SIPA1L3: variants seen among roughly 807,000 people sequenced by gnomAD.
The protein encoded by SIPA1L3 is signal induced proliferation associated 1 like 3, also known as signal-induced proliferation-associated 1-like protein 3.
In SIPA1L3, 59 loss-of-function variants were observed where a neutral mutation model predicts 150.1. The ratio of observed to expected loss-of-function variants is 0.39; its 90% CI spans 0.32 to 0.49. The LOEUF (loss-of-function observed/expected upper bound fraction) is 0.49. Ranked by LOEUF, SIPA1L3 falls within the 20% of genes least tolerant of loss-of-function variation. SIPA1L3 has a pLI of 0.86. For synonymous variants in SIPA1L3, 1,070 were observed against 1,077.6 expected, an observed-to-expected ratio of 0.99 and a Z score of 0.14; for missense variants, 2,211 against 2,489.5, an observed-to-expected ratio of 0.89 and a Z score of 2.38.
chr19:37,988,131 C>T (rs961697836), intron 1 of SIPA1L3, among the ~76,000 whole-genome samples: 1 of 152,220 alleles, frequency 6.6e-6, no homozygotes, highest in Non-Finnish European at 1.5e-5. Context: ...CTGTCCTCTG[C>T]ACTCAGCCAG....
intron 2 of SIPA1L3, among the ~76,000 whole-genome samples, chr19:38,036,833 C>T (rs982526480): frequency 1.3e-5 from 2 of 152,244 alleles, no homozygotes; most frequent in East Asian, 3.9e-4. Context: ...CTCGCCCCAT[C>T]CCGGCCTGCC....
chr19:38,159,728 A>T (rs926282691), intron 13 of SIPA1L3, among the ~76,000 whole-genome samples: 2 of 152,240 alleles, frequency 1.3e-5, no homozygotes, highest in Admixed American at 6.5e-5. Context: ...CTTGTTCCAC[A>T]TCTATCGGAG....
intron 1 of SIPA1L3, among the ~76,000 whole-genome samples, chr19:38,008,594 C>T (rs1224627519): frequency 2.6e-5 from 4 of 151,728 alleles, no homozygotes; most frequent in East Asian, 1.9e-4. Flanking sequence ...TTTTTTTTCC[C>T]CTTAGAGACA....
In SIPA1L3 at chr19:38,119,384, C is replaced by G; in HGVS notation, c.2370C>G (p.Asp790Glu). 1 of 1,614,200 alleles carries G rather than the reference C, an allele frequency of 6.2e-7. No individual in the cohort carries two copies. Among genetic ancestry groups the G allele is most frequent in the African/African-American group, 1.3e-5 (1 of 75,044 alleles). The change falls in exon 9 of 22, where the codon GAC becomes GAG. Residue 790 changes from aspartate (D) to glutamate (E), a missense_variant. Around this residue, in one of 5 missense-constraint regions of SIPA1L3, gnomAD observed 625 missense variants for 804.2 expected, o/e 0.78. Coordinates refer to ENST00000222345, the MANE Select transcript of SIPA1L3 (RefSeq NM_015073.3). ...IPSGTTFRKS[D>E]VFRDFLLAKV... ...GTGGAACCACATTCCGCAAATCCGA[C>G]GTCTTCAGAGACTTCTTGCTGGCCA...
At chr19:38,038,606 A>AG (rs1395087047) in intron 2 of SIPA1L3, among the ~76,000 whole-genome samples, 1 of 151,438 alleles carries the variant, frequency 6.6e-6, no homozygotes, top group African/African-American at 2.4e-5. Context: ...AAAAAAAAAA[A>AG]GTCATGTGCA....
At chr19:38,057,210 G>T (rs1969336610) in intron 2 of SIPA1L3, among the ~76,000 whole-genome samples, 1 of 151,796 alleles carries the variant, frequency 6.6e-6, no homozygotes, top group Non-Finnish European at 1.5e-5. Flanking sequence ...AGCGGACGTT[G>T]CAGTGAGCTG....
chr19:37,934,330 G>A (rs914171321), intron 1 of SIPA1L3, among the ~76,000 whole-genome samples: 4 of 152,152 alleles, frequency 2.6e-5, no homozygotes, highest in African/African-American at 9.7e-5. Context: ...GTGCAGAGCA[G>A]GAGGGAAGCT....
intron 1 of SIPA1L3, among the ~76,000 whole-genome samples, chr19:38,012,155 CG>C (rs1200062337): frequency 6.6e-6 from 1 of 150,928 alleles, no homozygotes; most frequent in Non-Finnish European, 1.5e-5. Context: ...GATGTGATCT[CG>C]GCTTGCTGCA....
intron 2 of SIPA1L3, among the ~76,000 whole-genome samples, chr19:38,039,399 TGGTGGG>T (rs1477388827): frequency 1.3e-4 from 1 of 7,748 alleles, no homozygotes; most frequent in Non-Finnish European, 2.7e-4. Context: ...GGGGTGGGGG[TGGTGGG>T]GGTGGGGGTC....
intron 12 of SIPA1L3, 97 bp from the exon 13 acceptor site, chr19:38,152,743 T>C: frequency 7.1e-7 from 1 of 1,417,870 alleles, no homozygotes; most frequent in Non-Finnish European, 9.6e-7. Flanking sequence ...CCCGTGTGTC[T>C]AAAACCCACT....
chr19:37,992,935 G>A (rs974229843), intron 1 of SIPA1L3, among the ~76,000 whole-genome samples: 5 of 152,160 alleles, frequency 3.3e-5, no homozygotes, highest in South Asian at 2.1e-4. Context: ...GTGTGAGTGC[G>A]GGAAGTCAGC....
At chr19:38,095,004 G>A (rs1355942913) in intron 4 of SIPA1L3, among the ~76,000 whole-genome samples, 1 of 152,194 alleles carries the variant, frequency 6.6e-6, no homozygotes, top group Non-Finnish European at 1.5e-5. Context: ...GAACCCAGGA[G>A]GCAGAGGTTG....
chr19:37,923,062 G>A (rs191386538), intron 1 of SIPA1L3, among the ~76,000 whole-genome samples: 72 of 151,902 alleles, frequency 4.7e-4, no homozygotes, highest in African/African-American at 1.5e-3. Flanking sequence ...GCGTGAACCC[G>A]GGAGGTGGAG....
chr19:38,184,331 A>G (rs1446599513), intron 16 of SIPA1L3: 2 of 152,244 alleles, frequency 1.3e-5, no homozygotes, highest in African/African-American at 2.4e-5. Flanking sequence ...GGCATGCGCC[A>G]CCAAGCCCGG....
At chr19:38,145,343 C>T (rs1243162357) in intron 12 of SIPA1L3, among the ~76,000 whole-genome samples, 1 of 151,806 alleles carries the variant, frequency 6.6e-6, no homozygotes, top group Non-Finnish European at 1.5e-5. Flanking sequence ...ACCAGCCTGG[C>T]CAACATGATG....
At chr19:38,011,684 G>A (rs1259152500) in intron 1 of SIPA1L3, among the ~76,000 whole-genome samples, 2 of 152,162 alleles carry the variant, frequency 1.3e-5, no homozygotes, top group African/African-American at 4.8e-5. Context: ...TGGGTGATGG[G>A]GGAAGATGAT....
intron 18 of SIPA1L3, among the ~76,000 whole-genome samples, chr19:38,196,314 G>A (rs1281024790): frequency 6.6e-6 from 1 of 152,246 alleles, no homozygotes; most frequent in Non-Finnish European, 1.5e-5. Flanking sequence ...GAGGCCAGGG[G>A]AAGAGCAAGG....
intron 13 of SIPA1L3, among the ~76,000 whole-genome samples, chr19:38,160,711 C>T (rs1972064126): frequency 6.6e-6 from 1 of 152,006 alleles, no homozygotes. Context: ...CTGACATCCA[C>T]AGCAGCCACT....
chr19:38,099,764 A>G lies in SIPA1L3; in HGVS notation c.1666-198A>G, dbSNP rs117946475. On this transcript the variant is annotated intron_variant, in intron 4 of 21. Coordinates refer to ENST00000222345, the MANE Select transcript of SIPA1L3 (RefSeq NM_015073.3). ...AAAGAGCAAGCTGAGGCTCAGAGAT[A>G]TGAAGTCACTTGGTCAAGACCGCAC... 2.2e-3 allele frequency among the ~76,000 whole-genome samples: 342 copies of G among 152,330 alleles called. 8 individuals carry two copies. In the East Asian group the frequency reaches 0.033, roughly 15 times the overall value.
Sources: allele counts gnomAD v4.1 joint callset (sites outside exome capture counted in the v4.1 genomes callset), GRCh38; gene constraint gnomAD v4.1.1; regional missense constraint gnomAD v4.1.1; transcripts MANE v1.5; gene names NCBI Gene and HGNC (gene_info 2026-07-23, HGNC 2026-07-21).